Variants in PDE10A observed in about 807,000 individuals in gnomAD.
The protein encoded by PDE10A is cAMP and cAMP-inhibited cGMP 3',5'-cyclic phosphodiesterase 10A.
A neutral mutation model predicts 97.7 loss-of-function variants in PDE10A; 39 were observed. The observed-to-expected ratio is 0.40, with a 90% CI of 0.31 to 0.52. The LOEUF is 0.52. Ranked by LOEUF, PDE10A falls within the 20% of genes least tolerant of loss-of-function variation. The pLI, the probability that PDE10A is intolerant of heterozygous loss-of-function variation, is 0.56. For missense variants in PDE10A, 731 were observed against 1,047.8 expected, an observed-to-expected ratio of 0.70 and a Z score of 4.17; for synonymous variants, 371 against 376.8, an observed-to-expected ratio of 0.98 and a Z score of 0.18.
chr6:165,462,145 T>C (rs1778362287), intron 3 of PDE10A, among the ~76,000 whole-genome samples: 1 of 152,220 alleles, frequency 6.6e-6, no homozygotes, highest in Non-Finnish European at 1.5e-5. Context: ...TCTAGTTACA[T>C]TTTTCTCTAT....
chr6:165,812,148 G>C (rs969748958), intron 1 of PDE10A, among the ~76,000 whole-genome samples: 1 of 152,050 alleles, frequency 6.6e-6, no homozygotes, highest in Non-Finnish European at 1.5e-5. Flanking sequence ...CACCCACCTA[G>C]CCAAGCCAGT....
chr6:165,686,615 C>T lies in PDE10A; in HGVS notation c.-614-143047G>A, dbSNP rs111263698. 9.5e-3 allele frequency among the ~76,000 whole-genome samples: 1,448 copies of T among 152,294 alleles called. 31 individuals carry two copies. The highest frequency in any genetic ancestry group is 0.031 in the African/African-American group (1,307 of 41,556). On this transcript the variant is annotated intron_variant, in intron 1 of 19. Coordinates refer to the PDE10A transcript ENST00000366882. ...CTTTCTAAAACAAAGAACCACAAGG[C>T]CATAAGCAGTGTTTTCAATCGAATC...
At chr6:165,881,530 C>G (rs1446559305) in intron 1 of PDE10A, among the ~76,000 whole-genome samples, 1 of 150,308 alleles carries the variant, frequency 6.7e-6, no homozygotes, top group African/African-American at 2.5e-5. Context: ...TGAGGATTAG[C>G]TGGGACTACA....
intron 1 of PDE10A, among the ~76,000 whole-genome samples, chr6:165,950,295 T>C (rs1220843926): frequency 6.6e-6 from 1 of 152,264 alleles, no homozygotes; most frequent in Non-Finnish European, 1.5e-5. Flanking sequence ...CAGGCTTTTA[T>C]AGCTTGATAG....
intron 13 of PDE10A, among the ~76,000 whole-genome samples, chr6:165,410,479 A>G (rs1787655935): frequency 1.2e-5 from 1 of 83,244 alleles, no homozygotes; most frequent in Admixed American, 1.3e-4. Context: ...TCCGAAGATG[A>G]AAATGAGATG....
At chr6:165,387,430 G>C (rs1236139469) in intron 17 of PDE10A, among the ~76,000 whole-genome samples, 1 of 151,986 alleles carries the variant, frequency 6.6e-6, no homozygotes, top group South Asian at 2.1e-4. Context: ...GGAAACTGAG[G>C]GGAGAAAAAA....
At chr6:165,734,719 A>G (rs1056348009) in intron 1 of PDE10A, among the ~76,000 whole-genome samples, 1 of 152,162 alleles carries the variant, frequency 6.6e-6, no homozygotes, top group African/African-American at 2.4e-5. Context: ...AAGTTAAGAG[A>G]CATGGGTACA....
intron 1 of PDE10A, among the ~76,000 whole-genome samples, chr6:165,563,269 GGGAA>G (rs762322146): frequency 5.3e-5 from 8 of 150,182 alleles, no homozygotes; most frequent in African/African-American, 1.5e-4. Context: ...GGAGGAAGGA[GGGAA>G]GGAAGGAAGG....
At chr6:165,384,635 T>G in intron 17 of PDE10A, among the ~76,000 whole-genome samples, 1 of 90,184 alleles carries the variant, frequency 1.1e-5, no homozygotes, top group Admixed American at 1.1e-4. Flanking sequence ...TGAGTGAGTG[T>G]GTGTGTGTGT....
chr6:165,580,889 C>T (rs986804082), intron 1 of PDE10A, among the ~76,000 whole-genome samples: 4 of 149,792 alleles, frequency 2.7e-5, no homozygotes, highest in Non-Finnish European at 4.5e-5. Flanking sequence ...GATGGTAAGT[C>T]TCCTACCCGA....
Position 165,765,378 on chromosome 6 carries a change from G to A in PDE10A, c.-614-221810C>T, listed in dbSNP as rs569945029. Among the ~76,000 whole-genome samples, 94 of 152,368 alleles carry A rather than the reference G, an allele frequency of 6.2e-4. No individual in the cohort carries two copies. In the South Asian group the frequency reaches 0.014, roughly 23 times the overall value. On this transcript the variant is annotated intron_variant, in intron 1 of 19. Transcript: ENST00000366882. ...AGGCTCGGGCTGCACAGGAGCCCAC[G>A]GAGGCGGGGGAAGGCTCAGGCATGG... is the stretch of plus-strand genomic sequence containing the variant.
rs1200514587 is a variant in PDE10A, at chr6:165,604,997, TCAC to T, written c.865+56947_865+56949del. 2.6e-5 allele frequency among the ~76,000 whole-genome samples: 4 copies of T among 152,366 alleles called. No individual in the cohort carries two copies. The East Asian group carries it at 5.8e-4, about 22-fold the overall frequency. ...AGCTCTATTACAAACAACCCTCCAGTCACCACATTAGAAGTGTGGTAGCTCTCC... is the reference window on the plus strand; with the variant it reads ...AGCTCTATTACAAACAACCCTCCAGTCACATTAGAAGTGTGGTAGCTCTCC... On this transcript the variant is annotated intron_variant, in intron 1 of 21. Transcript: ENST00000539869.
intron 1 of PDE10A, among the ~76,000 whole-genome samples, chr6:165,860,260 C>A (rs1303037268): frequency 1.3e-5 from 2 of 152,146 alleles, no homozygotes; most frequent in African/African-American, 4.8e-5. Flanking sequence ...TCGAGATCAG[C>A]CTGACCAACA....
rs113961488 is a variant in PDE10A at position 165,488,863 on chromosome 6, G to A, written c.995-6520C>T. On this transcript the variant is annotated intron_variant, in intron 2 of 21. Coordinates refer to ENST00000539869, the MANE Select transcript of PDE10A (RefSeq NM_001385079.1). ...GTCACAGCAGAGGCCCCCTGGGAAC[G>A]TAACTCCATTGGTCTAGGAACCACA... Among the ~76,000 whole-genome samples, 112 of 152,122 alleles carry A rather than the reference G, an allele frequency of 7.4e-4. 1 individual carries two copies. The highest frequency in any genetic ancestry group is 1.1e-3 in the Non-Finnish European group (74 of 67,990).
chr6:165,630,402 T>C (rs1036520760), intron 1 of PDE10A, among the ~76,000 whole-genome samples: 1 of 152,142 alleles, frequency 6.6e-6, no homozygotes, highest in Non-Finnish European at 1.5e-5. Context: ...ACACTTCAAA[T>C]TCCCTGAAAG....
intron 2 of PDE10A, among the ~76,000 whole-genome samples, chr6:165,503,141 G>C (rs1780990997): frequency 6.6e-6 from 1 of 152,040 alleles, no homozygotes; most frequent in Non-Finnish European, 1.5e-5. Flanking sequence ...ATCTTGTCTA[G>C]GGTGTACTCC....
chr6:165,918,126 A>G (rs1462192646), intron 1 of PDE10A, among the ~76,000 whole-genome samples: 1 of 152,236 alleles, frequency 6.6e-6, no homozygotes, highest in African/African-American at 2.4e-5. Context: ...TTTAACCGCA[A>G]TGGTCTCATG....
intron 1 of PDE10A, among the ~76,000 whole-genome samples, chr6:165,847,949 G>A (rs751359469): frequency 6.6e-6 from 1 of 152,224 alleles, no homozygotes; most frequent in Non-Finnish European, 1.5e-5. Context: ...TAGGTCACAT[G>A]TGCTACTGTC....
chr6:165,648,669 CAAAGA>C (rs1049237892), intron 1 of PDE10A, among the ~76,000 whole-genome samples: 3 of 152,000 alleles, frequency 2.0e-5, no homozygotes, highest in Non-Finnish European at 2.9e-5. Flanking sequence ...CAACACAAAA[CAAAGA>C]AAATTCAAAA....
Sources: gnomAD v4.1 joint callset for allele counts (sites outside exome capture counted in the v4.1 genomes callset) on GRCh38, gnomAD v4.1.1 for gene constraint, MANE v1.5 for transcripts, NCBI Gene and HGNC (gene_info 2026-07-23, HGNC 2026-07-21) for gene names.